Variants in THRB observed in about 807,000 individuals in gnomAD.
THRB encodes the protein nuclear receptor subfamily 1 group A member 2.
A neutral mutation model predicts 47.8 loss-of-function variants in THRB; 12 were observed. That is an observed-to-expected ratio of 0.25 (90% CI 0.16 to 0.41). The LOEUF (loss-of-function observed/expected upper bound fraction) is 0.41. Among genes scored for constraint, THRB ranks in the 10% least tolerant of loss-of-function variants. The pLI is 1.00. For synonymous variants in THRB, 218 were observed against 212.2 expected (o/e 1.03, Z -0.24); for missense variants, 348 against 589.2 (o/e 0.59, Z 4.24).
chr3:24,274,519 T>C (rs2053698771), intron 3 of THRB, among the ~76,000 whole-genome samples: 1 of 152,212 alleles, frequency 6.6e-6, no homozygotes, highest in Non-Finnish European at 1.5e-5. Flanking sequence ...ACACTTTTTA[T>C]AGCCTTTGTA....
At chr3:24,293,955 A>G (rs1217979144) in intron 3 of THRB, among the ~76,000 whole-genome samples, 1 of 152,212 alleles carries the variant, frequency 6.6e-6, no homozygotes, top group African/African-American at 2.4e-5. Flanking sequence ...AATGGCTGCA[A>G]TAATCACTGC....
chr3:24,268,374 G>A lies in THRB; in HGVS notation c.-43+28852C>T, dbSNP rs188576501. ...AACAAAAGCTGGAAGATAGTGCAGCGAGGTGGGAAGAAATGAGATCCTTTA... is the reference window on the plus strand; with the variant it reads ...AACAAAAGCTGGAAGATAGTGCAGCAAGGTGGGAAGAAATGAGATCCTTTA... On this transcript the variant is annotated intron_variant, in intron 3 of 10. Transcript: ENST00000646209. Among the ~76,000 whole-genome samples the A allele has an allele frequency of 6.6e-4, 101 of 152,298 alleles. 2 individuals carry two copies. The highest frequency in any genetic ancestry group is 3.3e-3 in the East Asian group (17 of 5,190).
intron 1 of THRB, among the ~76,000 whole-genome samples, chr3:24,374,314 A>G (rs2065128607): frequency 1.3e-5 from 2 of 152,144 alleles, no homozygotes; most frequent in Admixed American, 1.3e-4. Context: ...ACTCAAGAAC[A>G]TATTTTTAGA....
At chr3:24,155,907 G>A (rs200471483) in intron 5 of THRB, among the ~76,000 whole-genome samples, 1 of 137,862 alleles carries the variant, frequency 7.3e-6, no homozygotes, top group Non-Finnish European at 1.7e-5. Flanking sequence ...TAACCCTCCA[G>A]AAAAAATTAA....
intron 3 of THRB, among the ~76,000 whole-genome samples, chr3:24,232,623 C>G (rs2048366227): frequency 6.6e-6 from 1 of 152,104 alleles, no homozygotes. Flanking sequence ...CTGGGTGGTG[C>G]CTTTACATTA....
intron 4 of THRB, among the ~76,000 whole-genome samples, chr3:24,199,933 G>A (rs116807499): frequency 4.7e-4 from 72 of 152,272 alleles, no homozygotes; most frequent in Non-Finnish European, 9.1e-4. Flanking sequence ...CTGACCAGAG[G>A]CCCTGAGCAC....
chr3:24,304,410 A>C (rs1273479044), intron 2 of THRB, among the ~76,000 whole-genome samples: 2 of 152,122 alleles, frequency 1.3e-5, no homozygotes, highest in East Asian at 3.8e-4. Flanking sequence ...TTGAAAAATA[A>C]GAAACATCCT....
At chr3:24,415,701 A>T (rs997775764) in intron 1 of THRB, among the ~76,000 whole-genome samples, 1 of 151,916 alleles carries the variant, frequency 6.6e-6, no homozygotes, top group Non-Finnish European at 1.5e-5. Flanking sequence ...CATAAAAATA[A>T]TTATTTATTT....
intron 3 of THRB, among the ~76,000 whole-genome samples, chr3:24,288,910 A>G (rs930182858): frequency 5.3e-5 from 8 of 152,198 alleles, no homozygotes; most frequent in Non-Finnish European, 8.8e-5. Context: ...TGTAAAATGT[A>G]TTTCTTACTG....
chr3:24,482,827 G>A lies in THRB; in HGVS notation c.-261+11825C>T, dbSNP rs182074983. Among the ~76,000 whole-genome samples the A allele has an allele frequency of 3.5e-3, 532 of 152,212 alleles. 8 individuals carry two copies. The highest frequency in any genetic ancestry group is 5.9e-4 in the Non-Finnish European group (40 of 68,020). On this transcript the variant is annotated intron_variant, in intron 1 of 10. Coordinates refer to ENST00000646209, the MANE Select transcript of THRB (RefSeq NM_001354712.2). Reference sequence around the variant, plus strand: ...GAATATTAATAGTTGGCTAGATTCTGTACCTGAGCGACATTATCAGAATTA... The same window carrying A: ...GAATATTAATAGTTGGCTAGATTCTATACCTGAGCGACATTATCAGAATTA...
chr3:24,391,148 C>T (rs1198377037), intron 1 of THRB, among the ~76,000 whole-genome samples: 1 of 152,110 alleles, frequency 6.6e-6, no homozygotes, highest in Admixed American at 6.6e-5. Context: ...TATGGCTGCT[C>T]AGGGATGTGC....
chr3:24,152,508 G>T lies in THRB; in HGVS notation c.284-18C>A, dbSNP rs768977446. ...GATGTACCCTGTGAAGGAAATAAAAGAAGGAATATTAAAAAATAATATGTT... is the reference window on the plus strand; with the variant it reads ...GATGTACCCTGTGAAGGAAATAAAATAAGGAATATTAAAAAATAATATGTT... On this transcript the variant is annotated intron_variant, in intron 5 of 10. Transcript: ENST00000646209. 1.5e-5 allele frequency: 19 copies of T among 1,279,486 alleles called. No homozygotes were observed. In the South Asian group the frequency reaches 2.0e-4, roughly 14 times the overall value. The allele number at this position is 1,279,486 out of a possible 1,614,324, so 79.3% of individuals were successfully genotyped here. A position where few individuals can be genotyped will look rare whatever the true frequency, so the allele number is the denominator to read the frequency against.
At chr3:24,222,918 GGGGAGACA>G (rs1384413388) in intron 4 of THRB, among the ~76,000 whole-genome samples, 20 of 152,152 alleles carry the variant, frequency 1.3e-4, no homozygotes, top group Non-Finnish European at 2.6e-4. Context: ...GGTCACATCT[GGGGAGACA>G]GGAATTCAGG....
chr3:24,250,648 C>T (rs1031074322), intron 3 of THRB, among the ~76,000 whole-genome samples: 1 of 152,138 alleles, frequency 6.6e-6, no homozygotes, highest in Non-Finnish European at 1.5e-5. Context: ...CTGCAGTGAG[C>T]TATGGTTGCA....
At chr3:24,408,908 C>A (rs147373068) in intron 1 of THRB, among the ~76,000 whole-genome samples, 1 of 151,756 alleles carries the variant, frequency 6.6e-6, no homozygotes, top group African/African-American at 2.4e-5. Flanking sequence ...AAATGTCAGC[C>A]TAACTGGATT....
At chr3:24,366,082 T>C (rs867768403) in intron 1 of THRB, among the ~76,000 whole-genome samples, 1 of 152,206 alleles carries the variant, frequency 6.6e-6, no homozygotes, top group Non-Finnish European at 1.5e-5. Context: ...GTTAGGTACA[T>C]ATTATTTGCA....
chr3:24,227,001 T>C (rs1350267576), intron 4 of THRB, among the ~76,000 whole-genome samples: 1 of 152,190 alleles, frequency 6.6e-6, no homozygotes, highest in Non-Finnish European at 1.5e-5. Flanking sequence ...ATGGTCACTC[T>C]CCCTAGATGA....
chr3:24,292,873 T>C (rs143404683), intron 3 of THRB, among the ~76,000 whole-genome samples: 30 of 152,312 alleles, frequency 2.0e-4, no homozygotes, highest in East Asian at 5.8e-4. Flanking sequence ...ATACAAAACA[T>C]TGGGGTCCCA....
At chr3:24,330,530 ATCTC>A (rs1262848258) in intron 2 of THRB, among the ~76,000 whole-genome samples, 1 of 151,926 alleles carries the variant, frequency 6.6e-6, no homozygotes, top group African/African-American at 2.4e-5. Context: ...CTACCAACCC[ATCTC>A]TCTCTCTCAT....
Sources: allele counts gnomAD v4.1 joint callset (sites outside exome capture counted in the v4.1 genomes callset), GRCh38; gene constraint gnomAD v4.1.1; transcripts MANE v1.5; gene names NCBI Gene and HGNC (gene_info 2026-07-23, HGNC 2026-07-21).